Variants in MAP4K3 observed in about 807,000 individuals in gnomAD.
The protein encoded by MAP4K3 is mitogen-activated protein kinase kinase kinase kinase 3, also known as MAPK/ERK kinase kinase kinase 3.
Under a neutral mutation model 143.5 loss-of-function variants are expected in MAP4K3, and 94 were observed. That is an observed-to-expected ratio of 0.65 (90% confidence interval 0.55 to 0.78). The LOEUF (loss-of-function observed/expected upper bound fraction) is 0.78, where lower values mean the gene tolerates loss of function less well. MAP4K3 is among the 30% of genes least tolerant of loss of function. The pLI is 0.00. For missense variants in MAP4K3, 1,077 were observed against 1,068.1 expected (o/e 1.01, Z -0.12); for synonymous variants, 416 against 347.2 (o/e 1.20, Z -2.20).
At chr2:39,270,666 C>G (rs1680978795) in intron 26 of MAP4K3, among the ~76,000 whole-genome samples, 1 of 151,904 alleles carries the variant, frequency 6.6e-6, no homozygotes, top group South Asian at 2.1e-4. Context: ...ACTTGAATTC[C>G]AAAGCTTATG....
rs1318173983 is a variant in MAP4K3 at position 39,278,497 on chromosome 2, AG to A, written c.1715-12del. 1 of 1,461,768 alleles carries A rather than the reference AG, an allele frequency of 6.8e-7. No individual in the cohort carries two copies. Among genetic ancestry groups the A allele is most frequent in the Non-Finnish European group, 9.4e-7 (1 of 1,063,912 alleles). The allele number at this position is 1,461,768 out of a possible 1,614,324, so 90.5% of individuals were successfully genotyped here. On this transcript the variant is annotated splice_polypyrimidine_tract_variant and intron_variant, in intron 23 of 33. Coordinates refer to ENST00000263881, the MANE Select transcript of MAP4K3 (RefSeq NM_003618.4). ...ATATCAAGTACTGATCTGAAATAAA[AG>A]TAATTCACTGACTGATTTTGGTAAA...
chr2:39,333,961 T>TTG (rs60361690), intron 6 of MAP4K3, among the ~76,000 whole-genome samples: 19,530 of 143,574 alleles, frequency 0.14, 1,227 homozygotes, highest in Admixed American at 0.17. Context: ...TTTCCCATTT[T>TTG]TGTGTGTGTG....
At chr2:39,357,883 C>T (rs1036780825) in intron 2 of MAP4K3, among the ~76,000 whole-genome samples, 3 of 152,156 alleles carry the variant, frequency 2.0e-5, no homozygotes, top group African/African-American at 4.8e-5. Context: ...GAGTTGCATA[C>T]AGTAAAAGTT....
intron 1 of MAP4K3, among the ~76,000 whole-genome samples, chr2:39,400,663 T>C (rs1301356315): frequency 6.6e-6 from 1 of 151,994 alleles, no homozygotes; most frequent in Non-Finnish European, 1.5e-5. Context: ...GTGAATTTAT[T>C]ATTATAAATT....
At chr2:39,429,023 C>G (rs1665194553) in intron 1 of MAP4K3, among the ~76,000 whole-genome samples, 1 of 143,588 alleles carries the variant, frequency 7.0e-6, no homozygotes, top group African/African-American at 2.6e-5. Context: ...CGAAATAGCG[C>G]CACTGCACTC....
In MAP4K3 at chr2:39,288,184, G is replaced by A; in HGVS notation, c.1411C>T (p.Pro471Ser). The change falls in exon 20 of 34, where the codon CCA becomes TCA. Residue 471 changes from proline (P) to serine (S), a missense_variant. By Grantham distance (74) the Pro-to-Ser change is moderately conservative. Around this residue, in one of 2 missense-constraint regions of MAP4K3, gnomAD observed 864 missense variants for 801.2 expected, o/e 1.08. Coordinates refer to ENST00000263881, the MANE Select transcript of MAP4K3 (RefSeq NM_003618.4). The stretch of plus-strand genomic sequence containing the variant: ...GGTGGTCTAGGTGGAACTTGGGATG[G>A]CTTTGCTGGGCTCCCTGACATGGGA... ...RCPMSGSPAK[P>S]SQVPPRPPPP... 1 of 1,614,114 alleles carries A rather than the reference G, an allele frequency of 6.2e-7. No individual in the cohort carries two copies.
At chr2:39,282,724 C>G (rs1459848842) in intron 21 of MAP4K3, among the ~76,000 whole-genome samples, 170 bp from the exon 22 acceptor site, 1 of 152,190 alleles carries the variant, frequency 6.6e-6, no homozygotes, top group Non-Finnish European at 1.5e-5. Flanking sequence ...TGCACTATTT[C>G]TAGTACTTGC....
At chr2:39,307,848 A>C in intron 15 of MAP4K3, 95 bp downstream of exon 15, 1 of 962,658 alleles carries the variant, frequency 1.0e-6, no homozygotes, top group South Asian at 2.4e-5. Flanking sequence ...GCAACTTATA[A>C]AACAATGCTT....
chr2:39,435,754 T>C (rs1665444970), intron 1 of MAP4K3, among the ~76,000 whole-genome samples: 1 of 152,192 alleles, frequency 6.6e-6, no homozygotes, highest in African/African-American at 2.4e-5. Flanking sequence ...ATCTCATACA[T>C]TGTAGGTGGG....
chr2:39,286,965 C>A lies in MAP4K3; in HGVS notation c.1475-1G>T, dbSNP rs1412649992. The A allele has an allele frequency of 6.4e-7, 1 of 1,568,622 alleles. No individual in the cohort carries two copies. The highest frequency in any genetic ancestry group is 8.7e-7 in the Non-Finnish European group (1 of 1,145,798). On this transcript the variant is annotated splice_acceptor_variant, in intron 20 of 33. Coordinates refer to ENST00000263881, the MANE Select transcript of MAP4K3 (RefSeq NM_003618.4). LOFTEE classifies it high-confidence loss of function. ...AACTGGAAGGAGCTCATTCCATTTCCTTCAATAAGATATATTCATTGAAAA... is the reference window on the plus strand; with the variant it reads ...AACTGGAAGGAGCTCATTCCATTTCATTCAATAAGATATATTCATTGAAAA...
chr2:39,308,106 A>G, intron 14 of MAP4K3, 101 bp from the exon 15 acceptor site: 1 of 748,994 alleles, frequency 1.3e-6, no homozygotes, highest in Non-Finnish European at 2.1e-6. Context: ...TCCTGCTAAT[A>G]TAATTTTATT....
chr2:39,356,616 TG>T (rs1665618563), intron 2 of MAP4K3, among the ~76,000 whole-genome samples: 1 of 152,156 alleles, frequency 6.6e-6, no homozygotes, highest in Non-Finnish European at 1.5e-5. Flanking sequence ...GGTGTGAGTT[TG>T]GGTAAATTAT....
intron 1 of MAP4K3, among the ~76,000 whole-genome samples, chr2:39,415,300 CAA>C (rs1304677370): frequency 6.6e-6 from 1 of 152,110 alleles, no homozygotes; most frequent in Non-Finnish European, 1.5e-5. Context: ...GTTTAAGCAA[CAA>C]AGGAAAATTT....
At chr2:39,291,092 T>C (rs1682026099) in intron 18 of MAP4K3, among the ~76,000 whole-genome samples, 1 of 151,886 alleles carries the variant, frequency 6.6e-6, no homozygotes, top group Non-Finnish European at 1.5e-5. Flanking sequence ...AAAAAACCAA[T>C]AATGTGTTAT....
At chr2:39,390,191 G>C (rs1177543017) in intron 1 of MAP4K3, among the ~76,000 whole-genome samples, 1 of 152,102 alleles carries the variant, frequency 6.6e-6, no homozygotes, top group Non-Finnish European at 1.5e-5. Flanking sequence ...CAATAACTGG[G>C]GATGATAATA....
chr2:39,288,478 G>C (rs1233833292), intron 19 of MAP4K3, among the ~76,000 whole-genome samples, 198 bp from the exon 20 acceptor site: 2 of 152,122 alleles, frequency 1.3e-5, no homozygotes, highest in African/African-American at 4.8e-5. Flanking sequence ...ACACTAAAAT[G>C]TGTACATCTC....
At chr2:39,373,197 C>G (rs905698350) in intron 2 of MAP4K3, among the ~76,000 whole-genome samples, 8 of 152,172 alleles carry the variant, frequency 5.3e-5, no homozygotes, top group Non-Finnish European at 1.2e-4. Flanking sequence ...TGCTCAACAT[C>G]ACTGATCATC....
chr2:39,385,554 AT>A, intron 1 of MAP4K3, among the ~76,000 whole-genome samples: 1 of 6,616 alleles, frequency 1.5e-4, no homozygotes, highest in Non-Finnish European at 2.5e-3. Context: ...CGTTCTTCAT[AT>A]ATATATATAT....
intron 24 of MAP4K3, among the ~76,000 whole-genome samples, chr2:39,275,839 T>A (rs572623907): frequency 2.0e-5 from 3 of 152,280 alleles, no homozygotes; most frequent in African/African-American, 7.2e-5. Flanking sequence ...ACTTATATAT[T>A]TTTCTTTCCA....
Sources: allele counts gnomAD v4.1 joint callset (sites outside exome capture counted in the v4.1 genomes callset), GRCh38; gene constraint gnomAD v4.1.1; regional missense constraint gnomAD v4.1.1; transcripts MANE v1.5; gene names NCBI Gene and HGNC (gene_info 2026-07-23, HGNC 2026-07-21).